The following TAF5 variants were observed in gnomAD, a reference collection of about 807,000 sequenced individuals.
TAF5 encodes the protein transcription initiation factor TFIID subunit 5.
A neutral mutation model predicts 80.9 loss-of-function variants in TAF5; 20 were observed. The observed-to-expected ratio is 0.25, with a 90% confidence interval of 0.17 to 0.36. TAF5 has a LOEUF of 0.36. Among genes scored for constraint, TAF5 ranks in the 10% least tolerant of loss-of-function variants. TAF5 has a pLI of 1.00. For missense variants in TAF5, 863 were observed against 1,029.4 expected (o/e 0.84, Z 2.21); for synonymous variants, 388 against 406.4 (o/e 0.95, Z 0.55).
Position 103,383,298 on chromosome 10 carries a change from C to G in TAF5, c.1595C>G (p.Thr532Arg). 1 of 1,608,796 alleles carries G rather than the reference C, an allele frequency of 6.2e-7. No individual in the cohort carries two copies. Among genetic ancestry groups the G allele is most frequent in the Non-Finnish European group, 8.5e-7 (1 of 1,178,616 alleles). ...TTAGAAAGAATCATGGATGAGAAAA[C>G]AGCAAGTGAGTTGAAGATTTTGTAT... ...DVLERIMDEKTASELKILYGH... is the reference protein window; with the variant it reads ...DVLERIMDEKRASELKILYGH... The change falls in exon 7 of 11, where the codon ACA becomes AGA. Residue 532 changes from threonine to arginine, a missense_variant. Physicochemically the swap from Thr to Arg is moderately conservative, Grantham distance 71 (BLOSUM62 -1). This residue lies in a region of TAF5 where 368 missense variants were observed against 461.7 expected (regional missense o/e 0.80). Coordinates refer to ENST00000369839, the MANE Select transcript of TAF5 (RefSeq NM_006951.5).
rs1292323722 is a variant in TAF5, at chr10:103,387,624, T to C, written c.2111T>C (p.Val704Ala). The C allele has an allele frequency of 3.1e-6, 5 of 1,614,034 alleles. No homozygotes were observed. The African/African-American group carries it at 4.0e-5, about 13-fold the overall frequency. ...TGGGATATTGGACATGGTTTGATGG[T>C]TGGAGAATTAAAAGGCCACACTGAT... ...LLWDIGHGLM[V>A]GELKGHTDTV... Residue 704 changes from valine to alanine, a missense_variant, in exon 10 of 11, where the codon GTT becomes GCT. Physicochemically the swap from Val to Ala is moderately conservative, Grantham distance 64 (BLOSUM62 0). Transcript: ENST00000369839.
intron 6 of TAF5, 59 bp downstream of exon 6, chr10:103,381,900 C>G: frequency 6.3e-7 from 1 of 1,598,830 alleles, no homozygotes; most frequent in Non-Finnish European, 8.6e-7. Flanking sequence ...AATCTTGATT[C>G]CATGGAAAAT....
At chr10:103,383,412 A>G (rs1200891120) in intron 7 of TAF5, 45 bp downstream of exon 7, 1 of 1,515,410 alleles carries the variant, frequency 6.6e-7, no homozygotes, top group Non-Finnish European at 8.8e-7. Flanking sequence ...TGTTATATTG[A>G]AATTATATAA....
rs1317869608 is a variant in TAF5, at chr10:103,388,194, C to T, written c.2374C>T (p.Leu792=). Residue 792 remains leucine (L), a synonymous_variant, in exon 11 of 11, where the codon CTA becomes TTA. Coordinates refer to ENST00000369839, the MANE Select transcript of TAF5 (RefSeq NM_006951.5). ...HLHFTRRNLV[L]AAGAYSPQ is the part of the protein sequence containing the mutation. ...TCATTTTACTCGAAGAAACCTGGTT[C>T]TAGCTGCAGGAGCTTATAGTCCACA... is the stretch of plus-strand genomic sequence containing the variant. 1.2e-6 allele frequency: 2 copies of T among 1,613,818 alleles called. No homozygotes were observed. The highest frequency in any genetic ancestry group is 1.7e-6 in the Non-Finnish European group (2 of 1,179,972).
chr10:103,374,184 C>T lies in TAF5; in HGVS notation c.797+589C>T, dbSNP rs2093365551. Among the ~76,000 whole-genome samples the T allele has an allele frequency of 6.6e-6, 1 of 152,020 alleles. No homozygotes were observed. Among genetic ancestry groups the T allele is most frequent in the Admixed American group, 6.6e-5 (1 of 15,256 alleles). ...GGCATAAATAAAAGTTTATTTTTGC[C>T]TTTATCTTAAGAAAACTAGGAAGCA... On this transcript the variant is annotated intron_variant, in intron 2 of 10. Transcript: ENST00000369839. The surrounding 1 kb of genome is among the most constrained non-coding windows in gnomAD (Gnocchi z 4.3).
At chr10:103,371,929 C>T (rs1212563303) in intron 1 of TAF5, among the ~76,000 whole-genome samples, 1 of 151,212 alleles carries the variant, frequency 6.6e-6, no homozygotes, top group Non-Finnish European at 1.5e-5. Flanking sequence ...GAAATACTGA[C>T]TCCTTGTTAT....
At position 103,379,879 on chromosome 10, in the gene TAF5, C is replaced by A. The variant is rs752525551; in HGVS notation, c.1278-5C>A. 9 of 1,605,860 alleles carry A rather than the reference C, an allele frequency of 5.6e-6. No homozygotes were observed. In the South Asian group the frequency reaches 1.0e-4, roughly 18 times the overall value. Reference sequence around the variant, plus strand: ...GGTAATTTTGACTCTCTTTTTCTTTCACAGAATCCCTCTTCCTGAGTTGAA... The same window carrying A: ...GGTAATTTTGACTCTCTTTTTCTTTAACAGAATCCCTCTTCCTGAGTTGAA... On this transcript the variant is annotated splice_polypyrimidine_tract_variant and splice_region_variant and intron_variant, in intron 4 of 10. Coordinates refer to ENST00000369839, the MANE Select transcript of TAF5 (RefSeq NM_006951.5).
chr10:103,373,634 G>T, intron 2 of TAF5, 39 bp downstream of exon 2: 1 of 1,400,974 alleles, frequency 7.1e-7, no homozygotes. Flanking sequence ...ACACACATAC[G>T]TAGTGTGTGT....
intron 8 of TAF5, among the ~76,000 whole-genome samples, chr10:103,385,947 A>AAAAAG (rs2093395212): frequency 6.6e-6 from 1 of 151,072 alleles, no homozygotes; most frequent in African/African-American, 2.4e-5. Flanking sequence ...AAAAAAAAAA[A>AAAAAG]AAAAGAAAAG....
At chr10:103,380,527 G>A (rs551760733) in intron 5 of TAF5, among the ~76,000 whole-genome samples, 2 of 152,296 alleles carry the variant, frequency 1.3e-5, no homozygotes, top group African/African-American at 2.4e-5. Context: ...TTGTTTCACC[G>A]ATCAGAATTC....
In TAF5 at chr10:103,388,210, A is replaced by G. The variant is rs750622600; in HGVS notation, c.2390A>G (p.Tyr797Cys). ...AACCTGGTTCTAGCTGCAGGAGCTT[A>G]TAGTCCACAATAAACCATCGGTATT... ...RRNLVLAAGA[Y>C]SPQ The change falls in exon 11 of 11, where the codon TAT (tyrosine) becomes TGT (cysteine). Residue 797 changes from tyrosine (Y) to cysteine (C), a missense_variant. Physicochemically the swap from Tyr to Cys is radical, Grantham distance 194. Around this residue, in one of 3 missense-constraint regions of TAF5, gnomAD observed 368 missense variants for 461.7 expected, o/e 0.80. Coordinates refer to ENST00000369839, the MANE Select transcript of TAF5 (RefSeq NM_006951.5). 1.1e-5 allele frequency: 18 copies of G among 1,613,396 alleles called. No individual in the cohort carries two copies. The South Asian group carries it at 2.0e-4, about 18-fold the overall frequency.
chr10:103,370,763 A>G lies in TAF5; in HGVS notation c.559+2215A>G, dbSNP rs191973958. On this transcript the variant is annotated intron_variant, in intron 1 of 10. Transcript: ENST00000369839. ...CAAATCCATGCAGTAAAACTCATAT[A>G]CCGTATAAGGTATCAAAGGTGATCC... Among the ~76,000 whole-genome samples the G allele has an allele frequency of 6.6e-5, 10 of 152,292 alleles. No homozygotes were observed. In the East Asian group the frequency reaches 1.9e-3, roughly 29 times the overall value.
chr10:103,368,017 G>A lies in TAF5; in HGVS notation c.28G>A (p.Glu10Lys). ...GGCGGCGCTGGCGGAGGAGCAGACG[G>A]AGGTGGCGGTCAAGCTAGAGCCTGA... Reference protein sequence around the residue: MAALAEEQTEVAVKLEPEGP... With the variant: MAALAEEQTKVAVKLEPEGP... The change falls in exon 1 of 11, where the codon GAG (glutamate) becomes AAG (lysine). Residue 10 changes from glutamate to lysine, a missense_variant. Coordinates refer to ENST00000369839, the MANE Select transcript of TAF5 (RefSeq NM_006951.5). 1 of 1,467,044 alleles carries A rather than the reference G, an allele frequency of 6.8e-7. No homozygotes were observed. Among genetic ancestry groups the A allele is most frequent in the Non-Finnish European group, 9.0e-7 (1 of 1,115,534 alleles). The allele number at this position is 1,467,044 out of a possible 1,614,324, so 90.9% of individuals were successfully genotyped here. A position where few individuals can be genotyped will look rare whatever the true frequency, so the allele number is the denominator to read the frequency against.
At chr10:103,382,610 T>C (rs569199755) in intron 6 of TAF5, among the ~76,000 whole-genome samples, 1 of 151,978 alleles carries the variant, frequency 6.6e-6, no homozygotes, top group East Asian at 1.9e-4. Flanking sequence ...AAACAATATA[T>C]TTTAAATTAT....
rs779056799 is a variant in TAF5 at position 103,379,875 on chromosome 10, C to G, written c.1278-9C>G. On this transcript the variant is annotated splice_polypyrimidine_tract_variant and intron_variant, in intron 4 of 10. Coordinates refer to ENST00000369839, the MANE Select transcript of TAF5 (RefSeq NM_006951.5). Reference sequence around the variant, plus strand: ...AAAAGGTAATTTTGACTCTCTTTTTCTTTCACAGAATCCCTCTTCCTGAGT... The same window carrying G: ...AAAAGGTAATTTTGACTCTCTTTTTGTTTCACAGAATCCCTCTTCCTGAGT... 95 of 1,606,146 alleles carry G rather than the reference C, an allele frequency of 5.9e-5. No homozygotes were observed. In the East Asian group the frequency reaches 1.7e-3, roughly 28 times the overall value.
At chr10:103,370,034 C>A (rs1194261648) in intron 1 of TAF5, among the ~76,000 whole-genome samples, 2 of 151,356 alleles carry the variant, frequency 1.3e-5, no homozygotes, top group Admixed American at 6.6e-5. Flanking sequence ...GAGTTTGAGA[C>A]CAGGCTGGCC....
At chr10:103,383,614 TGTTGCCCAG>T (rs2093388309) in intron 7 of TAF5, among the ~76,000 whole-genome samples, 1 of 150,800 alleles carries the variant, frequency 6.6e-6, no homozygotes, top group Non-Finnish European at 1.5e-5. Context: ...GTTTCGCTCT[TGTTGCCCAG>T]GTTGGAGTGC....
chr10:103,375,136 A>AAG (rs1554870233), intron 2 of TAF5, among the ~76,000 whole-genome samples: 3 of 151,790 alleles, frequency 2.0e-5, no homozygotes, highest in Non-Finnish European at 2.9e-5. Flanking sequence ...AAAAAAAAAA[A>AAG]AAAAGAAAAT....
rs1328812716 is a variant in TAF5 at position 103,379,613 on chromosome 10, T to G, written c.1119T>G (p.Phe373Leu). Residue 373 changes from phenylalanine (F) to leucine (L), a missense_variant, in exon 4 of 11, where the codon TTT (phenylalanine) becomes TTG (leucine). Phe to Leu is a conservative substitution (Grantham distance 22). Transcript: ENST00000369839. ...TTGGCTCTTTTGACTTGTAGGTATT[T>G]TTTGGTTTATTAAAAGAACCAGAAA... ...AKREANKSKV[F>L]FGLLKEPEIE... 3 of 1,577,570 alleles carry G rather than the reference T, an allele frequency of 1.9e-6. No individual in the cohort carries two copies. Among genetic ancestry groups the G allele is most frequent in the Non-Finnish European group, 2.6e-6 (3 of 1,170,872 alleles).
Sources: allele counts gnomAD v4.1 joint callset (sites outside exome capture counted in the v4.1 genomes callset), GRCh38; gene constraint gnomAD v4.1.1; regional missense constraint gnomAD v4.1.1; non-coding constraint Gnocchi (gnomAD v3.1); transcripts MANE v1.5; gene names NCBI Gene and HGNC (gene_info 2026-07-23, HGNC 2026-07-21).